RASGEF1A: variants seen among roughly 807,000 people sequenced by gnomAD.
RASGEF1A encodes the protein ras-GEF domain-containing family member 1A.
In RASGEF1A, 18 loss-of-function variants were observed where a neutral mutation model predicts 56.4. That is an observed-to-expected ratio of 0.32 (90% CI 0.22 to 0.47). The LOEUF (loss-of-function observed/expected upper bound fraction) is 0.47. Among genes scored for constraint, RASGEF1A ranks in the 20% least tolerant of loss-of-function variants. The pLI, the probability that RASGEF1A is intolerant of heterozygous loss-of-function variation, is 1.00. For missense variants in RASGEF1A, 422 were observed against 627.1 expected (o/e 0.67, Z 3.49); for synonymous variants, 245 against 242.6 (o/e 1.01, Z -0.09).
chr10:43,261,669 C>T (rs1044863612), intron 1 of RASGEF1A, among the ~76,000 whole-genome samples: 3 of 152,192 alleles, frequency 2.0e-5, no homozygotes, highest in African/African-American at 2.4e-5. Context: ...ACCCTTCCTC[C>T]CCCAGCTCTG....
rs75066050 is a variant in RASGEF1A at position 43,257,346 on chromosome 10, C to G, written c.-7+9499G>C. Among the ~76,000 whole-genome samples, 1,332 of 152,356 alleles carry G rather than the reference C, an allele frequency of 8.7e-3. 54 individuals are homozygous for G. In the East Asian group the frequency reaches 0.095, roughly 11 times the overall value. ...TGGGCCCACTTGTGTCTAGACACCC[C>G]TCACCAGGTGGGCAGCTCATCAGCC... On this transcript the variant is annotated intron_variant, in intron 1 of 12. Coordinates refer to ENST00000395810, the MANE Select transcript of RASGEF1A (RefSeq NM_145313.4).
intron 4 of RASGEF1A, 36 bp from the exon 5 acceptor site, chr10:43,200,924 G>A: frequency 6.3e-6 from 10 of 1,588,890 alleles, no homozygotes; most frequent in Non-Finnish European, 8.6e-6. Flanking sequence ...GCCAGCATGG[G>A]CTGGCAGCAA....
At chr10:43,206,422 G>A (rs887192013) in intron 1 of RASGEF1A, among the ~76,000 whole-genome samples, 3 of 152,248 alleles carry the variant, frequency 2.0e-5, no homozygotes, top group African/African-American at 7.2e-5. Context: ...TCCAAGAAGG[G>A]ACAGGGAGCC....
intron 10 of RASGEF1A, among the ~76,000 whole-genome samples, chr10:43,197,704 T>A (rs1393591476): frequency 6.6e-6 from 1 of 152,062 alleles, no homozygotes; most frequent in Non-Finnish European, 1.5e-5. Context: ...CCCACAGGGG[T>A]GGACAGGGCT....
chr10:43,215,041 A>G (rs1167073905), intron 1 of RASGEF1A, among the ~76,000 whole-genome samples: 2 of 152,184 alleles, frequency 1.3e-5, no homozygotes, highest in African/African-American at 4.8e-5. Flanking sequence ...CTGAGCATCA[A>G]GTGCAGGCTG....
intron 1 of RASGEF1A, among the ~76,000 whole-genome samples, chr10:43,239,264 G>A (rs1177182612): frequency 6.6e-6 from 1 of 152,210 alleles, no homozygotes; most frequent in Non-Finnish European, 1.5e-5. Context: ...TTATTCAAAT[G>A]TGTGACCACA....
Position 43,201,840 on chromosome 10 carries a change from CT to C in RASGEF1A, c.426del (p.Ala143ProfsTer16). ...FQDEKAMAEL[K>X]AITHRVTQCD... Reference sequence around the variant, plus strand: ...CACTGGGTGACACGGTGTGTGATGGCTTTCAGCTCGGCCATGGCCTTCTCAT... The same window carrying C: ...CACTGGGTGACACGGTGTGTGATGGCTTCAGCTCGGCCATGGCCTTCTCAT... On this transcript the variant is annotated frameshift_variant, in exon 4 of 13. Transcript: ENST00000395810. LOFTEE classifies it high-confidence loss of function. 6.2e-7 allele frequency: 1 copy of C among 1,610,626 alleles called. No individual in the cohort carries two copies. Among genetic ancestry groups the C allele is most frequent in the Non-Finnish European group, 8.5e-7 (1 of 1,178,030 alleles).
chr10:43,197,453 T>G (rs1308017697), intron 10 of RASGEF1A, among the ~76,000 whole-genome samples: 1 of 152,222 alleles, frequency 6.6e-6, no homozygotes, highest in African/African-American at 2.4e-5. Context: ...GAACGTGTCA[T>G]GATGTCCCTT....
At chr10:43,255,396 A>T (rs1447431589) in intron 1 of RASGEF1A, among the ~76,000 whole-genome samples, 1 of 151,780 alleles carries the variant, frequency 6.6e-6, no homozygotes, top group Non-Finnish European at 1.5e-5. Context: ...GAGAGAGCTG[A>T]CCACTGTCCT....
chr10:43,254,728 G>A (rs1378026955), intron 1 of RASGEF1A, among the ~76,000 whole-genome samples: 1 of 152,184 alleles, frequency 6.6e-6, no homozygotes, highest in Non-Finnish European at 1.5e-5. Context: ...CGCTGCTGTA[G>A]CTCAGAGGTA....
At position 43,203,333 on chromosome 10, in the gene RASGEF1A, C is replaced by G. The variant is rs994738080; in HGVS notation, c.286G>C (p.Glu96Gln). The G allele has an allele frequency of 6.3e-7, 1 of 1,576,050 alleles. No individual in the cohort carries two copies. Among genetic ancestry groups the G allele is most frequent in the African/African-American group, 1.3e-5 (1 of 74,204 alleles). ...CCGGCTTCCAGCTGCTGCTTCTGCT[C>G]CACGCAGATCTGCCCCACGCGGGCC... is the stretch of plus-strand genomic sequence containing the variant. ...LLARVGQICV[E>Q]QKQQLEAGPE... The change falls in exon 3 of 13, where the codon GAG (glutamate) becomes CAG (glutamine). Residue 96 changes from glutamate to glutamine, a missense_variant. Physicochemically the swap from Glu to Gln is conservative, Grantham distance 29. Around this residue, in one of 2 missense-constraint regions of RASGEF1A, gnomAD observed 273 missense variants for 339.9 expected, o/e 0.80. Coordinates refer to ENST00000395810, the MANE Select transcript of RASGEF1A (RefSeq NM_145313.4).
At chr10:43,207,043 GCCT>G in intron 1 of RASGEF1A, 2 of 985,520 alleles carry the variant, frequency 2.0e-6, no homozygotes, top group Non-Finnish European at 2.4e-6. Flanking sequence ...AGCCCTCTGG[GCCT>G]GTTTCCCCAG....
chr10:43,263,979 CCT>C (rs1363660112), intron 1 of RASGEF1A, among the ~76,000 whole-genome samples: 2 of 152,086 alleles, frequency 1.3e-5, no homozygotes, highest in African/African-American at 4.8e-5. Flanking sequence ...CCCTCACAGC[CCT>C]CTGTCATGGT....
intron 1 of RASGEF1A, among the ~76,000 whole-genome samples, chr10:43,219,693 AGGGAT>A (rs1457224960): frequency 2.6e-5 from 4 of 152,202 alleles, no homozygotes; most frequent in Non-Finnish European, 5.9e-5. Flanking sequence ...AGAGGCAGGA[AGGGAT>A]GGCCAGCCGC....
In RASGEF1A at chr10:43,206,082, A is replaced by C. The variant is rs1839991644; in HGVS notation, c.35T>G (p.Leu12Arg). The C allele has an allele frequency of 1.2e-6, 2 of 1,601,244 alleles. No individual in the cohort carries two copies. The highest frequency in any genetic ancestry group is 2.2e-5 in the South Asian group (2 of 89,214). ...PQTSVVFSSI[L>R]GPSCSGQVQP... is the part of the protein sequence containing the mutation. ...CACCTGTCCGCTACAGCTGGGCCCA[A>C]GGATGCTGGAGAAGACAACGGACGT... The change falls in exon 2 of 13, where the codon CTT becomes CGT. Residue 12 changes from leucine to arginine, a missense_variant. Physicochemically the swap from Leu to Arg is moderately radical, Grantham distance 102. This residue lies in a region of RASGEF1A where 273 missense variants were observed against 339.9 expected (regional missense o/e 0.80). Transcript: ENST00000395810.
At chr10:43,202,627 G>GACCGCTGGACCCC (rs1211180297) in intron 3 of RASGEF1A, 2 of 466,862 alleles carry the variant, frequency 4.3e-6, no homozygotes, top group South Asian at 3.1e-5. Flanking sequence ...GCCCCACTCA[G>GACCGCTGGACCCC]ACCGCTGGAC....
intron 1 of RASGEF1A, among the ~76,000 whole-genome samples, chr10:43,262,161 G>A (rs926336215): frequency 2.6e-5 from 4 of 152,154 alleles, no homozygotes; most frequent in Admixed American, 1.3e-4. Flanking sequence ...GATTTGGGCA[G>A]CCTTGGTGGG....
chr10:43,198,858 T>C (rs1839843433), intron 9 of RASGEF1A, 75 bp downstream of exon 9: 2 of 1,378,116 alleles, frequency 1.5e-6, no homozygotes, highest in Admixed American at 1.7e-5. Context: ...CCACCCCCAC[T>C]GTCAGGGCCC....
At chr10:43,219,534 C>G (rs1438816528) in intron 1 of RASGEF1A, among the ~76,000 whole-genome samples, 1 of 152,216 alleles carries the variant, frequency 6.6e-6, no homozygotes, top group African/African-American at 2.4e-5. Context: ...CCTGCTGGCT[C>G]CAGTAGGAAG....
Sources: allele counts gnomAD v4.1 joint callset (sites outside exome capture counted in the v4.1 genomes callset), GRCh38; gene constraint gnomAD v4.1.1; regional missense constraint gnomAD v4.1.1; transcripts MANE v1.5; gene names NCBI Gene and HGNC (gene_info 2026-07-23, HGNC 2026-07-21).